The following PCDH15 variants were observed in gnomAD, a reference collection of about 807,000 sequenced individuals.
PCDH15 encodes the protein protocadherin-15.
In PCDH15, 129 loss-of-function variants were observed where a neutral mutation model predicts 178.5. The ratio of observed to expected loss-of-function variants is 0.72; its 90% confidence interval spans 0.63 to 0.84. The LOEUF is 0.84. Among genes scored for constraint, PCDH15 ranks in the 40% least tolerant of loss-of-function variants. PCDH15 has a pLI of 0.00. For missense variants in PCDH15, 2,230 were observed against 2,099.9 expected (o/e 1.06, Z -1.21); for synonymous variants, 800 against 732.0 (o/e 1.09, Z -1.50).
At chr10:55,213,280 C>T (rs889843014) in intron 1 of PCDH15, among the ~76,000 whole-genome samples, 2 of 151,992 alleles carry the variant, frequency 1.3e-5, no homozygotes, top group South Asian at 2.1e-4. Context: ...ATTAGTTTCA[C>T]GAATCTTCAT....
chr10:55,360,605 T>C (rs926868844), intron 2 of PCDH15, among the ~76,000 whole-genome samples: 1 of 151,980 alleles, frequency 6.6e-6, no homozygotes, highest in African/African-American at 2.4e-5. Flanking sequence ...ACATATATAA[T>C]GGGGCTGAAC....
intron 2 of PCDH15, among the ~76,000 whole-genome samples, chr10:55,583,767 A>G (rs763573343): frequency 2.6e-5 from 4 of 152,142 alleles, no homozygotes; most frequent in Non-Finnish European, 5.9e-5. Flanking sequence ...GAATTCCACA[A>G]TATCGGTTAC....
Position 53,946,809 on chromosome 10 carries a change from G to C in PCDH15, c.3123-5834C>G, listed in dbSNP as rs572688303. ...TTTTGTTTTGTTTAGACGGAGTCTC[G>C]CTCTATCGCCCAGACTGGAGTGCAG... On this transcript the variant is annotated intron_variant, in intron 23 of 37. Coordinates refer to ENST00000644397, the MANE Select transcript of PCDH15 (RefSeq NM_001384140.1). Among the ~76,000 whole-genome samples the C allele has an allele frequency of 2.6e-3, 389 of 152,220 alleles. 1 individual carries two copies. Among genetic ancestry groups the C allele is most frequent in the Non-Finnish European group, 3.4e-3 (231 of 68,014 alleles).
chr10:54,317,000 T>C lies in PCDH15; in HGVS notation c.876+271A>G, dbSNP rs1342281. Among the ~76,000 whole-genome samples the C allele has an allele frequency of 0.71, 107,168 of 151,966 alleles. 38,551 individuals are homozygous for C. The highest frequency in any genetic ancestry group is 0.81 in the Middle Eastern group (239 of 294). On this transcript the variant is annotated intron_variant, in intron 8 of 37. Transcript: ENST00000644397. ...GGAGTTTTTCAGAATGGCTAGTGAATTCCTTGGTGATTTATTGGTAAAAAA... is the reference window on the plus strand; with the variant it reads ...GGAGTTTTTCAGAATGGCTAGTGAACTCCTTGGTGATTTATTGGTAAAAAA...
Position 54,498,677 on chromosome 10 carries a change from T to TA in PCDH15, c.157+29134dup, listed in dbSNP as rs1002037244. ...GAACAGTCTTTAAACCTACAATTAT[T>TA]AAAAAAAAGATGAAGAAGTACATTA... On this transcript the variant is annotated intron_variant, in intron 3 of 37. Coordinates refer to ENST00000644397, the MANE Select transcript of PCDH15 (RefSeq NM_001384140.1). Among the ~76,000 whole-genome samples, 62 of 151,726 alleles carry TA rather than the reference T, an allele frequency of 4.1e-4. 1 individual carries two copies. Among genetic ancestry groups the TA allele is most frequent in the South Asian group, 4.0e-3 (19 of 4,806 alleles).
chr10:54,683,250 C>A (rs2094931581), intron 1 of PCDH15, among the ~76,000 whole-genome samples: 1 of 151,874 alleles, frequency 6.6e-6, no homozygotes, highest in Non-Finnish European at 1.5e-5. Flanking sequence ...GCTTTAAGGA[C>A]ATTCACATTG....
intron 30 of PCDH15, 131 bp from the exon 31 acceptor site, chr10:53,828,704 G>T: frequency 2.6e-6 from 2 of 783,134 alleles, no homozygotes; most frequent in Non-Finnish European, 2.1e-6. Flanking sequence ...CAGAGTTAAT[G>T]ACAGACTAAG....
intron 25 of PCDH15, among the ~76,000 whole-genome samples, chr10:53,916,635 T>C (rs553896613): frequency 1.3e-5 from 2 of 152,274 alleles, no homozygotes; most frequent in South Asian, 4.1e-4. Flanking sequence ...TCAACAAAAC[T>C]GTAGTAGTTG....
chr10:54,344,754 GC>G (rs1942910037), intron 6 of PCDH15, among the ~76,000 whole-genome samples: 1 of 151,258 alleles, frequency 6.6e-6, no homozygotes, highest in Non-Finnish European at 1.5e-5. Flanking sequence ...CATTTCTGCT[GC>G]CCTTTTCTTT....
intron 3 of PCDH15, among the ~76,000 whole-genome samples, chr10:54,416,532 A>G (rs1369318785): frequency 6.6e-6 from 1 of 152,110 alleles, no homozygotes; most frequent in Non-Finnish European, 1.5e-5. Flanking sequence ...TCACTGATAG[A>G]CATTTGGGTT....
chr10:54,103,787 T>C (rs2094857403), intron 15 of PCDH15, among the ~76,000 whole-genome samples: 1 of 152,220 alleles, frequency 6.6e-6, no homozygotes, highest in Admixed American at 6.5e-5. Context: ...CAACATTAAA[T>C]GCAGAATCCC....
chr10:53,928,354 C>T (rs140352493), intron 25 of PCDH15, among the ~76,000 whole-genome samples: 26 of 151,844 alleles, frequency 1.7e-4, no homozygotes, highest in African/African-American at 5.8e-4. Context: ...TTGCATTATC[C>T]ATAAGTGATA....
chr10:54,847,429 T>C (rs1052423119), intron 3 of PCDH15, among the ~76,000 whole-genome samples: 1 of 152,172 alleles, frequency 6.6e-6, no homozygotes, highest in Non-Finnish European at 1.5e-5. Flanking sequence ...TAATATTTTA[T>C]CTTATTTTTC....
intron 2 of PCDH15, among the ~76,000 whole-genome samples, chr10:55,146,814 A>C (rs529028127): frequency 2.0e-5 from 3 of 151,490 alleles, no homozygotes; most frequent in Admixed American, 6.6e-5. Flanking sequence ...ACTACAAATA[A>C]GCAATTATCT....
chr10:53,806,639 A>T lies in PCDH15; in HGVS notation c.5163T>A (p.Asp1721Glu). 7 of 1,613,834 alleles carry T rather than the reference A, an allele frequency of 4.3e-6. No individual in the cohort carries two copies. The highest frequency in any genetic ancestry group is 5.9e-6 in the Non-Finnish European group (7 of 1,179,782). Reference sequence around the variant, plus strand: ...AGGGGCCCATCCAAAGCTCTTCATCATCAGACTGTGTGTGGTCACTATGAA... The same window carrying T: ...AGGGGCCCATCCAAAGCTCTTCATCTTCAGACTGTGTGTGGTCACTATGAA... Reference protein sequence around the residue: ...LEFHSDHTQSDDEELWMGPWN... With the variant: ...LEFHSDHTQSEDEELWMGPWN... The change falls in exon 38 of 38, where the codon GAT becomes GAA. Residue 1721 changes from aspartate (D) to glutamate (E), a missense_variant. Transcript: ENST00000644397.
At chr10:54,112,141 C>CA (rs1274423057) in intron 15 of PCDH15, among the ~76,000 whole-genome samples, 14 of 150,742 alleles carry the variant, frequency 9.3e-5, no homozygotes, top group Middle Eastern at 3.4e-3. Flanking sequence ...GACTCTGTCT[C>CA]AAAATAAATA....
intron 1 of PCDH15, among the ~76,000 whole-genome samples, chr10:55,202,719 T>A (rs1381368968): frequency 2.0e-5 from 3 of 152,130 alleles, no homozygotes; most frequent in Non-Finnish European, 4.4e-5. Flanking sequence ...GGGAGGGACC[T>A]AGTGGGATAT....
chr10:54,934,110 G>GT (rs1837847007), intron 2 of PCDH15, among the ~76,000 whole-genome samples: 1 of 152,128 alleles, frequency 6.6e-6, no homozygotes, highest in Admixed American at 6.6e-5. Flanking sequence ...GTAAGGAATT[G>GT]TGACGTTAGT....
At chr10:55,426,407 G>A (rs1380556102) in intron 2 of PCDH15, among the ~76,000 whole-genome samples, 1 of 152,150 alleles carries the variant, frequency 6.6e-6, no homozygotes, top group East Asian at 1.9e-4. Flanking sequence ...CACCCCTCAT[G>A]GAAGGGGTCA....
Sources: allele counts gnomAD v4.1 joint callset (sites outside exome capture counted in the v4.1 genomes callset), GRCh38; gene constraint gnomAD v4.1.1; transcripts MANE v1.5; gene names NCBI Gene and HGNC (gene_info 2026-07-23, HGNC 2026-07-21).